The following EZH1 variants were observed in gnomAD, a reference collection of about 807,000 sequenced individuals.
EZH1 encodes enhancer of zeste 1 polycomb repressive complex 2 subunit, also known as histone-lysine N-methyltransferase EZH1.
A neutral mutation model predicts 100.5 loss-of-function variants in EZH1; 33 were observed. That is an observed-to-expected ratio of 0.33 (90% confidence interval 0.25 to 0.44). The LOEUF (loss-of-function observed/expected upper bound fraction) is 0.44. Ranked by LOEUF, EZH1 falls within the 20% of genes least tolerant of loss-of-function variation. The pLI is 1.00. For missense variants in EZH1, 475 were observed against 928.4 expected (o/e 0.51, Z 6.35); for synonymous variants, 272 against 313.8 (o/e 0.87, Z 1.41).
chr17:42,719,711 T>A (rs552665266), intron 7 of EZH1, among the ~76,000 whole-genome samples: 1 of 152,290 alleles, frequency 6.6e-6, no homozygotes, highest in East Asian at 1.9e-4. Flanking sequence ...CACTCCACCT[T>A]GGGTAACAGA....
rs552745529 is a variant in EZH1, at chr17:42,727,910, G to A, written c.118-147C>T. Reference sequence around the variant, plus strand: ...CAGCTCACCACAACCTCCGCCTCCCGGGTTCAAGCGATTCTCCTACCTCGG... The same window carrying A: ...CAGCTCACCACAACCTCCGCCTCCCAGGTTCAAGCGATTCTCCTACCTCGG... On this transcript the variant is annotated intron_variant, in intron 3 of 20. Coordinates refer to ENST00000428826, the MANE Select transcript of EZH1 (RefSeq NM_001991.5). The A allele has an allele frequency of 3.5e-4, 158 of 450,348 alleles. No homozygotes were observed. The South Asian group carries it at 6.7e-3, about 19-fold the overall frequency. The allele number at this position is 450,348 out of a possible 1,614,324, so 27.9% of individuals were successfully genotyped here. A position where few individuals can be genotyped will look rare whatever the true frequency, so the allele number is the denominator to read the frequency against.
At chr17:42,743,899 G>T (rs2054226967) in intron 1 of EZH1, among the ~76,000 whole-genome samples, 1 of 152,126 alleles carries the variant, frequency 6.6e-6, no homozygotes, top group Non-Finnish European at 1.5e-5. Context: ...ACCTTCTCAG[G>T]CTGGAAACCT....
At position 42,744,992 on chromosome 17, in the gene EZH1, G is replaced by T; in HGVS notation, c.-103+19C>A. On this transcript the variant is annotated intron_variant, in intron 1 of 20. Transcript: ENST00000428826. Reference sequence around the variant, plus strand: ...AGGCCCGGCCCCACCGCCCGGCCCAGGCTTGTTTACTCACTCACCCTCCAT... The same window carrying T: ...AGGCCCGGCCCCACCGCCCGGCCCATGCTTGTTTACTCACTCACCCTCCAT... 7.8e-7 allele frequency: 1 copy of T among 1,274,312 alleles called. No individual in the cohort carries two copies. The highest frequency in any genetic ancestry group is 1.0e-6 in the Non-Finnish European group (1 of 982,868). The allele number at this position is 1,274,312 out of a possible 1,614,324, so 78.9% of individuals were successfully genotyped here.
chr17:42,739,836 T>C (rs537474617), intron 1 of EZH1, among the ~76,000 whole-genome samples: 66 of 150,596 alleles, frequency 4.4e-4, no homozygotes, highest in Non-Finnish European at 7.1e-4. Context: ...CAGGCTGGAG[T>C]GCAGTGGCGC....
chr17:42,702,459 G>A lies in EZH1; in HGVS notation c.*73C>T, dbSNP rs906212709. 13 of 1,284,822 alleles carry A rather than the reference G, an allele frequency of 1.0e-5. No individual in the cohort carries two copies. The highest frequency in any genetic ancestry group is 8.2e-5 in the Admixed American group (4 of 48,498). The allele number at this position is 1,284,822 out of a possible 1,614,324, so 79.6% of individuals were successfully genotyped here. On this transcript the variant is annotated 3_prime_UTR_variant, in exon 21 of 21. Transcript: ENST00000428826. ...GTGGGAGACACAGTGCAGGAGACTC[G>A]AGCAGCAGTGGTGTGAGCACGAAAG...
intron 14 of EZH1, 90 bp from the exon 15 acceptor site, chr17:42,708,173 G>A (rs562769201): frequency 6.9e-7 from 1 of 1,453,762 alleles, no homozygotes; most frequent in East Asian, 2.3e-5. Flanking sequence ...ATTCAGAGGA[G>A]GCTGGTCCTA....
At chr17:42,720,198 C>A (rs977725662) in intron 7 of EZH1, 75 bp downstream of exon 7, 8 of 1,503,214 alleles carry the variant, frequency 5.3e-6, no homozygotes, top group Middle Eastern at 2.0e-4. Context: ...TAATAGGCAA[C>A]AAATCTTTCC....
intron 19 of EZH1, chr17:42,703,337 C>G (rs934590277): frequency 3.1e-5 from 9 of 291,812 alleles, no homozygotes; most frequent in Non-Finnish European, 5.9e-5. Context: ...ACCACGCCCC[C>G]CAGCTGATTT....
At position 42,705,103 on chromosome 17, in the gene EZH1, A is replaced by T. The variant is rs772939242; in HGVS notation, c.1920T>A (p.Ser640=). The change falls in exon 17 of 21, where the codon TCT becomes TCA. Residue 640 remains serine (S), a synonymous_variant. Coordinates refer to ENST00000428826, the MANE Select transcript of EZH1 (RefSeq NM_001991.5). ...TAGCACTCACCTCACCACAGTATTC[A>T]GAAATGAATTCGTTCTTCTGCACAG... ...KESVQKNEFI[S]EYCGELISQD... is the part of the protein sequence containing the mutation. 1.2e-6 allele frequency: 2 copies of T among 1,613,728 alleles called. No individual in the cohort carries two copies. Among genetic ancestry groups the T allele is most frequent in the Admixed American group, 3.3e-5 (2 of 60,000 alleles).
chr17:42,714,650 A>G (rs2053555767), intron 10 of EZH1: 1 of 273,960 alleles, frequency 3.7e-6, no homozygotes, highest in African/African-American at 2.3e-5. Context: ...TCAATTTAAA[A>G]ATGAAGTTTT....
intron 4 of EZH1, among the ~76,000 whole-genome samples, chr17:42,726,063 G>A (rs1261953560): frequency 1.3e-5 from 2 of 151,416 alleles, no homozygotes; most frequent in African/African-American, 4.9e-5. Flanking sequence ...ATTTTTAGTA[G>A]AGACAGGGTT....
chr17:42,725,906 T>C (rs1182353359), intron 4 of EZH1, among the ~76,000 whole-genome samples: 1 of 152,208 alleles, frequency 6.6e-6, no homozygotes, highest in Admixed American at 6.5e-5. Flanking sequence ...TGAGACAGGG[T>C]CTCACTCTGT....
chr17:42,731,231 C>T (rs1224363018), intron 1 of EZH1, among the ~76,000 whole-genome samples: 4 of 152,118 alleles, frequency 2.6e-5, no homozygotes, highest in Admixed American at 2.6e-4. Context: ...CATTCTCCTG[C>T]CTCAGCCTCC....
At chr17:42,729,042 T>A in intron 2 of EZH1, 90 bp from the exon 3 acceptor site, 1 of 1,295,824 alleles carries the variant, frequency 7.7e-7, no homozygotes, top group Non-Finnish European at 1.1e-6. Flanking sequence ...TCAATTATGC[T>A]TTCATTCCCA....
chr17:42,724,433 T>C lies in EZH1; in HGVS notation c.247-9A>G. The C allele has an allele frequency of 1.2e-6, 2 of 1,613,292 alleles. No individual in the cohort carries two copies. Among genetic ancestry groups the C allele is most frequent in the Admixed American group, 1.7e-5 (1 of 59,986 alleles). On this transcript the variant is annotated splice_polypyrimidine_tract_variant and intron_variant, in intron 4 of 20. Coordinates refer to ENST00000428826, the MANE Select transcript of EZH1 (RefSeq NM_001991.5). ...ATGCTCTCTATGGTACACTGAAATA[T>C]AAGCAATGACATGGAGAGGGAAAGA... is the stretch of plus-strand genomic sequence containing the variant.
intron 11 of EZH1, 53 bp from the exon 12 acceptor site, chr17:42,712,538 CAGT>C: frequency 6.5e-7 from 1 of 1,533,884 alleles, no homozygotes. Context: ...CAGTTGTCAT[CAGT>C]AGTTTGTCAC....
chr17:42,719,313 T>G, intron 7 of EZH1, 106 bp from the exon 8 acceptor site: 4 of 831,586 alleles, frequency 4.8e-6, no homozygotes, highest in South Asian at 4.4e-5. Flanking sequence ...TACAGCTGCT[T>G]TGTTAACCTA....
intron 1 of EZH1, among the ~76,000 whole-genome samples, chr17:42,744,188 T>C (rs939156326): frequency 2.0e-5 from 3 of 152,186 alleles, no homozygotes; most frequent in Non-Finnish European, 4.4e-5. Context: ...ATCCCTTCCC[T>C]TCCCTGCTCA....
At chr17:42,709,961 T>C in intron 12 of EZH1, 24 bp from the exon 13 acceptor site, 2 of 1,610,890 alleles carry the variant, frequency 1.2e-6, no homozygotes, top group Middle Eastern at 1.7e-4. Flanking sequence ...CCAACGGGCC[T>C]GTCACTCCTC....
Sources: gnomAD v4.1 joint callset for allele counts (sites outside exome capture counted in the v4.1 genomes callset) on GRCh38, gnomAD v4.1.1 for gene constraint, MANE v1.5 for transcripts, NCBI Gene and HGNC (gene_info 2026-07-23, HGNC 2026-07-21) for gene names.